ANKH: variants seen among roughly 807,000 people sequenced by gnomAD.
ANKH encodes the protein mineralization regulator ANKH.
Under a neutral mutation model 49.0 loss-of-function variants are expected in ANKH, and 15 were observed. That is an observed-to-expected ratio of 0.31 (90% CI 0.20 to 0.47). The LOEUF (loss-of-function observed/expected upper bound fraction) is 0.47. Ranked by LOEUF, ANKH falls within the 20% of genes least tolerant of loss-of-function variation. The pLI is 1.00. For missense variants in ANKH, 429 were observed against 652.0 expected (o/e 0.66, Z 3.72); for synonymous variants, 273 against 260.0 (o/e 1.05, Z -0.48).
intron 1 of ANKH, among the ~76,000 whole-genome samples, chr5:14,845,965 C>G (rs980551630): frequency 2.0e-5 from 3 of 147,742 alleles, no homozygotes; most frequent in Non-Finnish European, 4.4e-5. Flanking sequence ...AAGTGATTCT[C>G]CTGCCTTAGC....
intron 8 of ANKH, among the ~76,000 whole-genome samples, chr5:14,718,668 G>A (rs1317470230): frequency 6.6e-6 from 1 of 152,034 alleles, no homozygotes; most frequent in African/African-American, 2.4e-5. Context: ...AAATTAACCG[G>A]GCATGGTGGT....
intron 8 of ANKH, among the ~76,000 whole-genome samples, chr5:14,738,739 T>C (rs1017483499): frequency 4.7e-4 from 71 of 150,472 alleles, no homozygotes; most frequent in Non-Finnish European, 4.4e-5. Context: ...ACCCCTTCTA[T>C]ACAAACAGTT....
intron 4 of ANKH, 66 bp downstream of exon 4, chr5:14,755,795 C>T: frequency 6.9e-7 from 1 of 1,443,762 alleles, no homozygotes; most frequent in Non-Finnish European, 9.8e-7. Flanking sequence ...ATATAAATCA[C>T]ACATCAGTTA....
chr5:14,738,202 C>T (rs192225489), intron 8 of ANKH, among the ~76,000 whole-genome samples: 2 of 152,188 alleles, frequency 1.3e-5, no homozygotes, highest in African/African-American at 2.4e-5. Flanking sequence ...TAAACAAACA[C>T]GTCATTGTAA....
chr5:14,820,089 G>T (rs1181240391), intron 1 of ANKH, among the ~76,000 whole-genome samples: 1 of 152,136 alleles, frequency 6.6e-6, no homozygotes, highest in African/African-American at 2.4e-5. Context: ...TATTTTATAA[G>T]AAAGTATTTT....
intron 6 of ANKH, among the ~76,000 whole-genome samples, chr5:14,747,875 C>T (rs1430602137): frequency 6.6e-6 from 1 of 152,136 alleles, no homozygotes; most frequent in Non-Finnish European, 1.5e-5. Flanking sequence ...GTGCGAAGCA[C>T]CACCTCTCCC....
At position 14,713,001 on chromosome 5, in the gene ANKH, G is replaced by C; in HGVS notation, c.1266-28C>G. On this transcript the variant is annotated intron_variant, in intron 10 of 11. Coordinates refer to ENST00000284268, the MANE Select transcript of ANKH (RefSeq NM_054027.6). This position sits in a 1 kb window ranked among gnomAD's most constrained non-coding sequence, Gnocchi z 4.4. Reference sequence around the variant, plus strand: ...GCAGATGAGAACACAAAGGCAATTTGTCTGTTAAGGCCAAGTCAAGGCACA... The same window carrying C: ...GCAGATGAGAACACAAAGGCAATTTCTCTGTTAAGGCCAAGTCAAGGCACA... 1 of 1,597,280 alleles carries C rather than the reference G, an allele frequency of 6.3e-7. No homozygotes were observed. Among genetic ancestry groups the C allele is most frequent in the South Asian group, 1.1e-5 (1 of 88,722 alleles).
chr5:14,796,912 AG>A (rs1316396234), intron 1 of ANKH, among the ~76,000 whole-genome samples: 2 of 152,192 alleles, frequency 1.3e-5, no homozygotes, highest in Non-Finnish European at 2.9e-5. Flanking sequence ...AAATTCCTGA[AG>A]AAAATTTCAA....
intron 1 of ANKH, among the ~76,000 whole-genome samples, chr5:14,771,694 G>C (rs978667879): frequency 6.6e-6 from 1 of 152,072 alleles, no homozygotes; most frequent in Admixed American, 6.5e-5. Context: ...GCTGAGATGG[G>C]CAGATCCCTT....
At chr5:14,730,924 C>A (rs78125253) in intron 8 of ANKH, among the ~76,000 whole-genome samples, 3 of 151,990 alleles carry the variant, frequency 2.0e-5, no homozygotes, top group Admixed American at 6.6e-5. Flanking sequence ...TAGGCTCTGG[C>A]GGGGGGAAAA....
At chr5:14,735,133 C>G (rs77204984) in intron 8 of ANKH, among the ~76,000 whole-genome samples, 3,303 of 152,196 alleles carry the variant, frequency 0.022, 106 homozygotes, top group African/African-American at 0.075. Context: ...TCAATATCCC[C>G]TGTCCCCAGA....
intron 4 of ANKH, among the ~76,000 whole-genome samples, chr5:14,754,846 T>G (rs1738828423): frequency 6.6e-6 from 1 of 151,944 alleles, no homozygotes; most frequent in South Asian, 2.1e-4. Flanking sequence ...GAGGCCGAGG[T>G]GGGCAGATCA....
rs143464795 is a variant in ANKH, at chr5:14,748,019, A to G, written c.822+1153T>C. On this transcript the variant is annotated intron_variant, in intron 6 of 11. Coordinates refer to ENST00000284268, the MANE Select transcript of ANKH (RefSeq NM_054027.6). ...GATGACCAATAAATGCCAGTGCTGT[A>G]CCCCACGTGCTGTTCCTATATGCCA... Among the ~76,000 whole-genome samples, 477 of 152,246 alleles carry G rather than the reference A, an allele frequency of 3.1e-3. 2 individuals are homozygous for G. Among genetic ancestry groups the G allele is most frequent in the African/African-American group, 0.011 (450 of 41,544 alleles).
rs886060073 is a variant in ANKH at position 14,707,533 on chromosome 5, G to T, written c.*3664C>A. ...TCCAACCAGGAGAGAGATCCAGAGG[G>T]CTGGGAGTGAGCACTCCTGAGCTGG... is the stretch of plus-strand genomic sequence containing the variant. On this transcript the variant is annotated 3_prime_UTR_variant, in exon 12 of 12. Transcript: ENST00000284268. 1 of 152,166 alleles carries T rather than the reference G, an allele frequency of 6.6e-6. No individual in the cohort carries two copies. Among genetic ancestry groups the T allele is most frequent in the African/African-American group, 2.4e-5 (1 of 41,440 alleles). The allele number at this position is 152,166 out of a possible 1,614,324, so 9.4% of individuals were successfully genotyped here.
At chr5:14,744,190 C>T (rs554774975) in intron 7 of ANKH, among the ~76,000 whole-genome samples, 1 of 152,318 alleles carries the variant, frequency 6.6e-6, no homozygotes, top group South Asian at 2.1e-4. Flanking sequence ...TGACTCATGC[C>T]TTCTGAGTCC....
intron 8 of ANKH, among the ~76,000 whole-genome samples, chr5:14,731,110 C>T (rs868735506): frequency 2.0e-5 from 3 of 152,172 alleles, no homozygotes; most frequent in Non-Finnish European, 2.9e-5. Flanking sequence ...AAGGCCATGT[C>T]GTCCTCCGGG....
chr5:14,777,146 G>T, intron 1 of ANKH, among the ~76,000 whole-genome samples: 1 of 61,164 alleles, frequency 1.6e-5, no homozygotes, highest in South Asian at 8.5e-4. Context: ...TTAGCCGGGC[G>T]TGGTGGGGGG....
intron 1 of ANKH, among the ~76,000 whole-genome samples, chr5:14,782,613 C>G (rs908292832): frequency 3.9e-5 from 6 of 152,048 alleles, no homozygotes; most frequent in Non-Finnish European, 8.8e-5. Flanking sequence ...ACAAAAAATT[C>G]CAAAGATCCT....
intron 8 of ANKH, among the ~76,000 whole-genome samples, chr5:14,729,731 A>G (rs1053653301): frequency 3.3e-5 from 5 of 151,926 alleles, no homozygotes; most frequent in South Asian, 2.1e-4. Flanking sequence ...TCTGGCGGGG[A>G]GAAAAGGGGT....
Sources: allele counts gnomAD v4.1 joint callset (sites outside exome capture counted in the v4.1 genomes callset), GRCh38; gene constraint gnomAD v4.1.1; non-coding constraint Gnocchi (gnomAD v3.1); transcripts MANE v1.5; gene names NCBI Gene and HGNC (gene_info 2026-07-23, HGNC 2026-07-21).